Variants in NRXN3 observed in about 807,000 individuals in gnomAD.
The protein encoded by NRXN3 is neurexin 3.
Under a neutral mutation model 137.6 loss-of-function variants are expected in NRXN3, and 32 were observed. The observed-to-expected ratio is 0.23, with a 90% CI of 0.18 to 0.31. The LOEUF (loss-of-function observed/expected upper bound fraction) is 0.31, where lower values mean the gene tolerates loss of function less well. Among genes scored for constraint, NRXN3 ranks in the 10% least tolerant of loss-of-function variants. The pLI is 1.00. For synonymous variants in NRXN3, 798 were observed against 784.5 expected, an observed-to-expected ratio of 1.02 and a Z score of -0.29; for missense variants, 1,574 against 2,062.5, an observed-to-expected ratio of 0.76 and a Z score of 4.59.
chr14:79,039,727 C>T (rs149153955), intron 15 of NRXN3, among the ~76,000 whole-genome samples: 17 of 152,200 alleles, frequency 1.1e-4, no homozygotes, highest in African/African-American at 3.1e-4. Flanking sequence ...TGCTCTGTTG[C>T]CCAGGCTAGA....
chr14:78,663,950 G>T (rs1316741286), intron 6 of NRXN3, among the ~76,000 whole-genome samples: 1 of 152,230 alleles, frequency 6.6e-6, no homozygotes, highest in Non-Finnish European at 1.5e-5. Context: ...TGCAAATGCA[G>T]AAACGACTAT....
At chr14:79,027,705 G>A (rs1355930164) in intron 15 of NRXN3, among the ~76,000 whole-genome samples, 1 of 152,086 alleles carries the variant, frequency 6.6e-6, no homozygotes, top group African/African-American at 2.4e-5. Context: ...GCTCTGGAAA[G>A]GATGTTGTTA....
At chr14:78,945,943 T>C (rs1295339924) in intron 10 of NRXN3, among the ~76,000 whole-genome samples, 1 of 152,186 alleles carries the variant, frequency 6.6e-6, no homozygotes, top group African/African-American at 2.4e-5. Flanking sequence ...CTATTTCTGC[T>C]CACATTTTCT....
At chr14:78,217,173 G>T (rs779865016) in intron 1 of NRXN3, among the ~76,000 whole-genome samples, 1 of 152,128 alleles carries the variant, frequency 6.6e-6, no homozygotes, top group Non-Finnish European at 1.5e-5. Flanking sequence ...AGTTCTCATA[G>T]ATGGTAGTTT....
At chr14:78,536,104 C>T (rs1600094642) in intron 4 of NRXN3, among the ~76,000 whole-genome samples, 1 of 152,288 alleles carries the variant, frequency 6.6e-6, no homozygotes, top group South Asian at 2.1e-4. Flanking sequence ...CTTATTCTCA[C>T]CAAGTCAATG....
chr14:79,557,113 T>G (rs2097437598), intron 16 of NRXN3, among the ~76,000 whole-genome samples: 2 of 151,986 alleles, frequency 1.3e-5, no homozygotes, highest in African/African-American at 4.8e-5. Context: ...CCCCCTTAGC[T>G]CTCTCTATAA....
intron 15 of NRXN3, among the ~76,000 whole-genome samples, chr14:79,299,184 C>G (rs1021174851): frequency 2.6e-5 from 4 of 152,106 alleles, no homozygotes; most frequent in Non-Finnish European, 5.9e-5. Context: ...TGAAAAGATA[C>G]AGCACCATCC....
chr14:78,598,663 TTAA>T (rs1301673262), intron 4 of NRXN3, among the ~76,000 whole-genome samples: 2 of 152,200 alleles, frequency 1.3e-5, no homozygotes, highest in African/African-American at 4.8e-5. Context: ...AGGGAGCTGG[TTAA>T]TATGGATGAG....
intron 4 of NRXN3, among the ~76,000 whole-genome samples, chr14:78,591,105 T>C (rs1157624998): frequency 2.0e-5 from 3 of 152,144 alleles, no homozygotes; most frequent in Non-Finnish European, 4.4e-5. Context: ...GAGATCTACT[T>C]AACAGGAAGT....
At chr14:79,770,087 A>T (rs1319922748) in intron 19 of NRXN3, among the ~76,000 whole-genome samples, 1 of 151,716 alleles carries the variant, frequency 6.6e-6, no homozygotes, top group African/African-American at 2.4e-5. Context: ...TCCTAAATAT[A>T]TATGCACCCA....
At chr14:79,805,823 C>G (rs181836406) in intron 20 of NRXN3, among the ~76,000 whole-genome samples, 1 of 152,170 alleles carries the variant, frequency 6.6e-6, no homozygotes, top group Non-Finnish European at 1.5e-5. Flanking sequence ...GCCGTGTCAA[C>G]AGCTGTGATG....
At chr14:79,191,225 T>G (rs900852881) in intron 15 of NRXN3, among the ~76,000 whole-genome samples, 3 of 152,158 alleles carry the variant, frequency 2.0e-5, no homozygotes, top group African/African-American at 4.8e-5. Flanking sequence ...GAAACTGATA[T>G]AAGAACACAG....
chr14:79,000,247 T>A (rs2099538634), intron 15 of NRXN3, among the ~76,000 whole-genome samples: 1 of 151,764 alleles, frequency 6.6e-6, no homozygotes, highest in East Asian at 1.9e-4. Flanking sequence ...TGAAATCAAA[T>A]GCATGTATGT....
intron 15 of NRXN3, among the ~76,000 whole-genome samples, chr14:79,123,152 C>G (rs1030170301): frequency 1.3e-5 from 2 of 152,078 alleles, no homozygotes; most frequent in Non-Finnish European, 2.9e-5. Flanking sequence ...AAGCCCAAGC[C>G]TCTGGTTGAC....
rs112497274 is a variant in NRXN3 at position 79,610,582 on chromosome 14, C to T, written c.3445-53196C>T. Among the ~76,000 whole-genome samples, 573 of 152,324 alleles carry T rather than the reference C, an allele frequency of 3.8e-3. 7 individuals carry two copies. Among genetic ancestry groups the T allele is most frequent in the African/African-American group, 0.013 (538 of 41,578 alleles). Reference sequence around the variant, plus strand: ...AGGTCAGAAAGCATTTCTCATGTTCCTGGTATCTCCTGCACTGCCTAGTAT... The same window carrying T: ...AGGTCAGAAAGCATTTCTCATGTTCTTGGTATCTCCTGCACTGCCTAGTAT... On this transcript the variant is annotated intron_variant, in intron 16 of 20. Transcript: ENST00000335750.
At chr14:79,063,349 T>C (rs2099676608) in intron 15 of NRXN3, among the ~76,000 whole-genome samples, 1 of 152,162 alleles carries the variant, frequency 6.6e-6, no homozygotes, top group South Asian at 2.1e-4. Context: ...AATGGCATGA[T>C]CTTGGCTCAC....
intron 15 of NRXN3, among the ~76,000 whole-genome samples, chr14:79,400,247 C>T (rs111502667): frequency 0.01 from 1,584 of 152,252 alleles, 17 homozygotes; most frequent in Middle Eastern, 0.037. Flanking sequence ...TTTTGGTGTT[C>T]CATGGCTTTT....
intron 6 of NRXN3, among the ~76,000 whole-genome samples, chr14:78,680,979 A>T (rs147235729): frequency 6.6e-6 from 1 of 152,220 alleles, no homozygotes; most frequent in Non-Finnish European, 1.5e-5. Flanking sequence ...TATCAGAAAC[A>T]TGGTGGCTAC....
At chr14:78,188,842 A>G (rs10130602) in intron 1 of NRXN3, among the ~76,000 whole-genome samples, 128,619 of 152,144 alleles carry the variant, frequency 0.85, 54,611 homozygotes, top group East Asian at 0.9. Flanking sequence ...TTGAGGAGTT[A>G]TCAGTAAATT....
Sources: gnomAD v4.1 joint callset for allele counts (sites outside exome capture counted in the v4.1 genomes callset) on GRCh38, gnomAD v4.1.1 for gene constraint, MANE v1.5 for transcripts, NCBI Gene and HGNC (gene_info 2026-07-23, HGNC 2026-07-21) for gene names.